The following SLC5A8 variants were observed in gnomAD, a reference collection of about 807,000 sequenced individuals.
SLC5A8 encodes the protein solute carrier family 5 member 8, also known as sodium-coupled monocarboxylate transporter 1.
SLC5A8 carries 55 observed loss-of-function variants against 71.9 expected under a neutral mutation model. The observed-to-expected ratio is 0.77, with a 90% CI of 0.62 to 0.96. The LOEUF is 0.96. SLC5A8 is among the 40% of genes least tolerant of loss of function. SLC5A8 has a pLI of 0.00. For synonymous variants in SLC5A8, 307 were observed against 276.1 expected, an observed-to-expected ratio of 1.11 and a Z score of -1.11; for missense variants, 701 against 745.3, an observed-to-expected ratio of 0.94 and a Z score of 0.69.
intron 12 of SLC5A8, among the ~76,000 whole-genome samples, chr12:101,163,235 T>C (rs999808834): frequency 1.3e-5 from 2 of 152,238 alleles, no homozygotes; most frequent in African/African-American, 4.8e-5. Flanking sequence ...ACATGAACAT[T>C]CTATGATCAT....
chr12:101,190,303 A>G (rs889443020), intron 6 of SLC5A8, among the ~76,000 whole-genome samples, 165 bp downstream of exon 6: 1 of 152,222 alleles, frequency 6.6e-6, no homozygotes, highest in Admixed American at 6.5e-5. Flanking sequence ...TTTAAAACAT[A>G]CAGTAACAAT....
chr12:101,209,727 G>C lies in SLC5A8; in HGVS notation c.122C>G (p.Thr41Ser). 6.2e-7 allele frequency: 1 copy of C among 1,612,924 alleles called. No individual in the cohort carries two copies. Among genetic ancestry groups the C allele is most frequent in the Non-Finnish European group, 8.5e-7 (1 of 1,179,902 alleles). ...YYAFAGGGQQ[T>S]SKDFLMGGRR... Reference sequence around the variant, plus strand: ...GCCGCCCATCAGGAAGTCCTTGGAGGTCTGCTGGCCGCCCCCAGCGAAGGC... The same window carrying C: ...GCCGCCCATCAGGAAGTCCTTGGAGCTCTGCTGGCCGCCCCCAGCGAAGGC... The change falls in exon 1 of 15, where the codon ACC becomes AGC. Residue 41 changes from threonine to serine, a missense_variant. Coordinates refer to ENST00000536262, the MANE Select transcript of SLC5A8 (RefSeq NM_145913.5).
chr12:101,174,944 AG>A (rs1206487091), intron 10 of SLC5A8, among the ~76,000 whole-genome samples: 1 of 152,260 alleles, frequency 6.6e-6, no homozygotes, highest in African/African-American at 2.4e-5. Context: ...AGAACCAGGA[AG>A]ATCTCAAACT....
rs368720657 is a variant in SLC5A8, at chr12:101,172,281, C to G, written c.1234-4099G>C. 1.1e-4 allele frequency among the ~76,000 whole-genome samples: 17 copies of G among 151,408 alleles called. 1 individual carries two copies. The highest frequency in any genetic ancestry group is 2.4e-4 in the Non-Finnish European group (16 of 67,882). On this transcript the variant is annotated intron_variant, in intron 10 of 14. Coordinates refer to ENST00000536262, the MANE Select transcript of SLC5A8 (RefSeq NM_145913.5). ...AGGGATATAGGTAGGGTGGGTGGGA[C>G]AGTCCAGGTGGGTCATCCTGGACAC...
intron 10 of SLC5A8, among the ~76,000 whole-genome samples, chr12:101,176,247 CAGAT>C (rs1404333517): frequency 1.3e-5 from 2 of 151,906 alleles, no homozygotes; most frequent in African/African-American, 4.8e-5. Flanking sequence ...TTCTCAGAGA[CAGAT>C]AGGCACATTA....
At chr12:101,160,686 C>T (rs2137120733) in intron 13 of SLC5A8, among the ~76,000 whole-genome samples, 1 of 152,268 alleles carries the variant, frequency 6.6e-6, no homozygotes, top group South Asian at 2.1e-4. Context: ...CTCTTCCCTG[C>T]CCTCGTTCCC....
chr12:101,181,194 T>G (rs1484908400), intron 9 of SLC5A8, among the ~76,000 whole-genome samples: 4 of 152,226 alleles, frequency 2.6e-5, no homozygotes, highest in Non-Finnish European at 5.9e-5. Flanking sequence ...ATAATGCATC[T>G]GAATGAAAAA....
intron 13 of SLC5A8, 60 bp from the exon 14 acceptor site, chr12:101,158,388 G>C (rs2051687840): frequency 9.4e-7 from 1 of 1,066,094 alleles, no homozygotes; most frequent in Non-Finnish European, 1.4e-6. Flanking sequence ...ACTACACAGA[G>C]ACATTCCATT....
In SLC5A8 at chr12:101,207,147, C is replaced by G. The variant is rs79681903; in HGVS notation, c.351+2351G>C. 6.6e-3 allele frequency among the ~76,000 whole-genome samples: 1,011 copies of G among 152,354 alleles called. 12 individuals are homozygous for G. The highest frequency in any genetic ancestry group is 0.011 in the Non-Finnish European group (717 of 68,036). ...GCCTAACTTCCCCGTTCCCAACTGC[C>G]TGGCACCCTGGAGGTGGATGCCTGC... is the stretch of plus-strand genomic sequence containing the variant. On this transcript the variant is annotated intron_variant, in intron 1 of 14. Transcript: ENST00000536262.
intron 1 of SLC5A8, among the ~76,000 whole-genome samples, chr12:101,207,230 G>T (rs372671832): frequency 6.6e-6 from 1 of 152,170 alleles, no homozygotes. Flanking sequence ...CTGCACTGGC[G>T]TAAGCATTGC....
intron 10 of SLC5A8, among the ~76,000 whole-genome samples, chr12:101,173,053 C>T (rs1398255697): frequency 6.6e-6 from 1 of 152,162 alleles, no homozygotes; most frequent in Non-Finnish European, 1.5e-5. Flanking sequence ...TCTGGGGGTG[C>T]TATTTGCCAG....
chr12:101,207,960 TAG>T (rs1193829114), intron 1 of SLC5A8, among the ~76,000 whole-genome samples: 1 of 152,112 alleles, frequency 6.6e-6, no homozygotes, highest in African/African-American at 2.4e-5. Context: ...AGAAGTTTAA[TAG>T]AGAGTGAGAG....
chr12:101,192,449 G>A (rs1417780398), intron 5 of SLC5A8, among the ~76,000 whole-genome samples: 1 of 152,134 alleles, frequency 6.6e-6, no homozygotes, highest in African/African-American at 2.4e-5. Flanking sequence ...AAGCGGGGCT[G>A]CGATCTCAAA....
In SLC5A8 at chr12:101,166,637, T is replaced by A; in HGVS notation, c.1383A>T (p.Gln461His). Residue 461 changes from glutamine (Q) to histidine (H), a missense_variant, in exon 12 of 15, where the codon CAA (glutamine) becomes CAT (histidine). Physicochemically the swap from Gln to His is conservative, Grantham distance 24 (BLOSUM62 0). Transcript: ENST00000536262. Reference protein sequence around the residue: ...AISLWVGIGAQIYPPLPERTL... With the variant: ...AISLWVGIGAHIYPPLPERTL... The stretch of plus-strand genomic sequence containing the variant: ...TTCTCTCAGGAAGTGGAGGATATAT[T>A]TGAGCTCCAATTCCAACCCATAGAG... 1 of 1,613,784 alleles carries A rather than the reference T, an allele frequency of 6.2e-7. No individual in the cohort carries two copies. The highest frequency in any genetic ancestry group is 1.3e-5 in the African/African-American group (1 of 75,044).
chr12:101,198,886 T>G (rs1207730879), intron 3 of SLC5A8, among the ~76,000 whole-genome samples: 2 of 151,880 alleles, frequency 1.3e-5, no homozygotes, highest in African/African-American at 4.8e-5. Flanking sequence ...TGGTTTAATA[T>G]TCAAAATTCA....
chr12:101,205,033 C>T (rs1243857609), intron 1 of SLC5A8, among the ~76,000 whole-genome samples: 1 of 152,218 alleles, frequency 6.6e-6, no homozygotes. Context: ...CCTGGGGCAT[C>T]AACCCTTTCT....
intron 2 of SLC5A8, among the ~76,000 whole-genome samples, chr12:101,203,949 G>GC (rs200916839): frequency 9.6e-6 from 1 of 103,702 alleles, no homozygotes; most frequent in Admixed American, 8.5e-5. Context: ...GTCCTCCAGA[G>GC]TTTTGATTCT....
At position 101,209,926 on chromosome 12, in the gene SLC5A8, A is replaced by C; in HGVS notation, c.-78T>G. 5.4e-6 allele frequency: 7 copies of C among 1,296,722 alleles called. No individual in the cohort carries two copies. Among genetic ancestry groups the C allele is most frequent in the Non-Finnish European group, 6.1e-6 (6 of 978,726 alleles). The allele number at this position is 1,296,722 out of a possible 1,614,324, so 80.3% of individuals were successfully genotyped here. ...AGCCGGAGCCCGGCGCGCACTTCTT[A>C]TCCCGGATCCCTGGCGCGCAGGCGT... On this transcript the variant is annotated 5_prime_UTR_variant, in exon 1 of 15. Transcript: ENST00000536262.
At chr12:101,175,688 A>G (rs562688947) in intron 10 of SLC5A8, among the ~76,000 whole-genome samples, 1 of 152,276 alleles carries the variant, frequency 6.6e-6, no homozygotes, top group Non-Finnish European at 1.5e-5. Context: ...CAATTAGAAT[A>G]GTAGCAGATT....
Sources: gnomAD v4.1 joint callset for allele counts (sites outside exome capture counted in the v4.1 genomes callset) on GRCh38, gnomAD v4.1.1 for gene constraint, MANE v1.5 for transcripts, NCBI Gene and HGNC (gene_info 2026-07-23, HGNC 2026-07-21) for gene names.